Variants in DSCAM observed in about 807,000 individuals in gnomAD.
The protein encoded by DSCAM is cell adhesion molecule DSCAM.
DSCAM carries 47 observed loss-of-function variants against 217.7 expected under a neutral mutation model. The ratio of observed to expected loss-of-function variants is 0.22; its 90% CI spans 0.17 to 0.28. The LOEUF is 0.28. Ranked by LOEUF, DSCAM falls within the 10% of genes least tolerant of loss-of-function variation. DSCAM has a pLI of 1.00. For synonymous variants in DSCAM, 1,056 were observed against 1,015.3 expected, an observed-to-expected ratio of 1.04 and a Z score of -0.76; for missense variants, 2,080 against 2,618.3, an observed-to-expected ratio of 0.79 and a Z score of 4.49.
intron 11 of DSCAM, among the ~76,000 whole-genome samples, chr21:40,259,679 TTTTTTTTTTTTTG>T: frequency 7.9e-6 from 1 of 125,796 alleles, no homozygotes; most frequent in African/African-American, 3.3e-5. Flanking sequence ...TTTTTTTTTT[TTTTTTTTTTTTTG>T]AGATGGAGTC....
At chr21:40,542,466 T>C (rs898551963) in intron 3 of DSCAM, among the ~76,000 whole-genome samples, 4 of 152,172 alleles carry the variant, frequency 2.6e-5, no homozygotes, top group African/African-American at 9.7e-5. Context: ...ACTGTGATTG[T>C]ATTAGGAGGT....
At chr21:40,350,045 CTATTAT>C (rs541852095) in intron 5 of DSCAM, among the ~76,000 whole-genome samples, 11 of 151,868 alleles carry the variant, frequency 7.2e-5, no homozygotes, top group East Asian at 3.9e-4. Flanking sequence ...TAATCTTCTC[CTATTAT>C]TATTATTATT....
chr21:40,792,867 G>A (rs1262247235), intron 1 of DSCAM, among the ~76,000 whole-genome samples: 5 of 152,148 alleles, frequency 3.3e-5, no homozygotes, highest in Non-Finnish European at 7.4e-5. Flanking sequence ...GCCTGGACTG[G>A]CATTTGTGGC....
chr21:40,731,538 G>T (rs2091010923), intron 1 of DSCAM, among the ~76,000 whole-genome samples: 1 of 152,120 alleles, frequency 6.6e-6, no homozygotes. Context: ...GTTCAAGTTT[G>T]CAGTATCCAC....
At chr21:40,384,186 C>G in intron 3 of DSCAM, 1 of 152,468 alleles carries the variant, frequency 6.6e-6, no homozygotes, top group Non-Finnish European at 1.5e-5. Flanking sequence ...AGGATAGTGG[C>G]AGATGATTTT....
At chr21:40,386,403 G>C (rs1052997451) in intron 3 of DSCAM, among the ~76,000 whole-genome samples, 3 of 152,180 alleles carry the variant, frequency 2.0e-5, no homozygotes, top group African/African-American at 7.2e-5. Context: ...GTGAATGAAC[G>C]CCCTTTGCTT....
rs553686817 is a variant in DSCAM at position 40,285,170 on chromosome 21, T to C, written c.2183-8900A>G. ...GGGGTCATGTGATATTGGAAGTGGT[T>C]GAGGTGACTCAATTATGCAGATTCC... On this transcript the variant is annotated intron_variant, in intron 10 of 32. Transcript: ENST00000400454. Among the ~76,000 whole-genome samples the C allele has an allele frequency of 1.4e-4, 22 of 152,304 alleles. 1 individual carries two copies. Among genetic ancestry groups the C allele is most frequent in the Admixed American group, 1.4e-3 (21 of 15,304 alleles).
intron 1 of DSCAM, among the ~76,000 whole-genome samples, chr21:40,716,078 T>A (rs1165164085): frequency 6.6e-6 from 1 of 152,210 alleles, no homozygotes; most frequent in African/African-American, 2.4e-5. Context: ...GTTAAAGAGA[T>A]AAGCGACCTA....
chr21:40,468,707 C>A (rs543428137), intron 3 of DSCAM, among the ~76,000 whole-genome samples: 1 of 151,976 alleles, frequency 6.6e-6, no homozygotes, highest in Admixed American at 6.6e-5. Context: ...TCTGGCTAAA[C>A]TGAAACAGAT....
intron 3 of DSCAM, among the ~76,000 whole-genome samples, chr21:40,624,675 G>A (rs1431775611): frequency 6.6e-6 from 1 of 151,952 alleles, no homozygotes; most frequent in African/African-American, 2.4e-5. Context: ...CTACCAGAAG[G>A]GCTAAGAAAA....
intron 3 of DSCAM, chr21:40,383,340 AAAAAGAAAAG>A (rs747797160): frequency 1.3e-5 from 2 of 152,380 alleles, no homozygotes; most frequent in Admixed American, 6.5e-5. Flanking sequence ...AAAAAAAGAA[AAAAAGAAAAG>A]AAAAGAAAAG....
intron 10 of DSCAM, among the ~76,000 whole-genome samples, chr21:40,282,747 T>C (rs2073779739): frequency 6.6e-6 from 1 of 152,146 alleles, no homozygotes; most frequent in Non-Finnish European, 1.5e-5. Context: ...GTTTTCCTTT[T>C]CTTAAATAAT....
chr21:40,666,248 C>T (rs2837772), intron 3 of DSCAM, among the ~76,000 whole-genome samples: 38,747 of 152,100 alleles, frequency 0.25, 6,007 homozygotes, highest in Admixed American at 0.42. Context: ...ATGATAGCTA[C>T]ACCCATGCAC....
intron 3 of DSCAM, among the ~76,000 whole-genome samples, chr21:40,380,187 C>A (rs1451666908): frequency 6.6e-6 from 1 of 152,162 alleles, no homozygotes; most frequent in Non-Finnish European, 1.5e-5. Context: ...AACTGTATAC[C>A]TAATTACCCT....
intron 1 of DSCAM, among the ~76,000 whole-genome samples, chr21:40,813,861 G>A (rs2091859213): frequency 6.6e-6 from 1 of 151,910 alleles, no homozygotes; most frequent in African/African-American, 2.4e-5. Context: ...TGGCCAGGCT[G>A]GTCTTGAACT....
intron 32 of DSCAM, among the ~76,000 whole-genome samples, chr21:40,037,864 A>G (rs372419457): frequency 1.5e-5 from 2 of 134,444 alleles, no homozygotes; most frequent in African/African-American, 2.8e-5. Context: ...ATAATGCTGC[A>G]TATCTACAAC....
At chr21:40,440,224 A>G (rs1427445324) in intron 3 of DSCAM, among the ~76,000 whole-genome samples, 1 of 152,206 alleles carries the variant, frequency 6.6e-6, no homozygotes, top group East Asian at 1.9e-4. Flanking sequence ...AGAGAGACAC[A>G]TGGAAGGAGA....
intron 3 of DSCAM, among the ~76,000 whole-genome samples, chr21:40,620,470 G>A (rs1197155288): frequency 6.9e-6 from 1 of 144,856 alleles, no homozygotes; most frequent in Non-Finnish European, 1.5e-5. Context: ...AAGGAAGGAA[G>A]GAAAAAGGGA....
intron 3 of DSCAM, among the ~76,000 whole-genome samples, chr21:40,475,114 C>T (rs967118807): frequency 2.0e-5 from 3 of 152,326 alleles, no homozygotes; most frequent in Admixed American, 2.0e-4. Flanking sequence ...GATGCTCCAC[C>T]CTCCTCCTTC....
Sources: gnomAD v4.1 joint callset for allele counts (sites outside exome capture counted in the v4.1 genomes callset) on GRCh38, gnomAD v4.1.1 for gene constraint, MANE v1.5 for transcripts, NCBI Gene and HGNC (gene_info 2026-07-23, HGNC 2026-07-21) for gene names.